The following TSHZ2 variants were observed in gnomAD, a reference collection of about 807,000 sequenced individuals.
TSHZ2 encodes the protein teashirt zinc finger homeobox 2.
Under a neutral mutation model 74.4 loss-of-function variants are expected in TSHZ2, and 21 were observed. The observed-to-expected ratio is 0.28, with a 90% CI of 0.20 to 0.41. TSHZ2 has a LOEUF of 0.41. Among genes scored for constraint, TSHZ2 ranks in the 10% least tolerant of loss-of-function variants. The pLI is 1.00. For synonymous variants in TSHZ2, 540 were observed against 515.3 expected (o/e 1.05, Z -0.65); for missense variants, 1,244 against 1,293.5 (o/e 0.96, Z 0.59).
intron 2 of TSHZ2, among the ~76,000 whole-genome samples, chr20:53,342,695 G>A (rs1980256674): frequency 6.6e-6 from 1 of 152,134 alleles, no homozygotes; most frequent in South Asian, 2.1e-4. Context: ...CTCAAGTCAT[G>A]AAACTGATGG....
chr20:53,306,175 G>A lies in TSHZ2; in HGVS notation c.*8+49604G>A, dbSNP rs530860193. On this transcript the variant is annotated intron_variant, in intron 2 of 2. Coordinates refer to ENST00000371497, the MANE Select transcript of TSHZ2 (RefSeq NM_173485.6). ...ACGGTCATACCATCATCCTTTCTCCGTGAGCGTGGCAACCGTGTGCAAGAC... is the reference window on the plus strand; with the variant it reads ...ACGGTCATACCATCATCCTTTCTCCATGAGCGTGGCAACCGTGTGCAAGAC... 4.6e-5 allele frequency among the ~76,000 whole-genome samples: 7 copies of A among 152,122 alleles called. No individual in the cohort carries two copies. In the South Asian group the frequency reaches 6.2e-4, roughly 14 times the overall value.
rs78882021 is a variant in TSHZ2, at chr20:53,154,659, A to G, written c.41-98840A>G. On this transcript the variant is annotated intron_variant, in intron 1 of 2. Coordinates refer to ENST00000371497, the MANE Select transcript of TSHZ2 (RefSeq NM_173485.6). ...TTGAAATCTGAATGCACTGAAATCT[A>G]GAGGTAACTATGAGAGCTGGGCTTG... Among the ~76,000 whole-genome samples, 172 of 152,310 alleles carry G rather than the reference A, an allele frequency of 1.1e-3. 2 individuals carry two copies. The highest frequency in any genetic ancestry group is 4.1e-3 in the African/African-American group (171 of 41,566).
At chr20:53,278,235 T>G (rs1197865522) in intron 2 of TSHZ2, among the ~76,000 whole-genome samples, 1 of 152,258 alleles carries the variant, frequency 6.6e-6, no homozygotes, top group East Asian at 1.9e-4. Context: ...CCCAGATAGA[T>G]AGCTGGAGCT....
At chr20:53,010,560 C>T (rs2122996859) in intron 1 of TSHZ2, among the ~76,000 whole-genome samples, 1 of 152,144 alleles carries the variant, frequency 6.6e-6, no homozygotes, top group South Asian at 2.1e-4. Flanking sequence ...GTTTCTTTTT[C>T]TTGGCCAACT....
intron 1 of TSHZ2, among the ~76,000 whole-genome samples, chr20:53,229,985 A>C: frequency 6.8e-6 from 1 of 147,132 alleles, no homozygotes; most frequent in Non-Finnish European, 1.5e-5. Context: ...AAAGAAAAGA[A>C]AGAGGAAGGA....
chr20:53,463,309 C>T (rs920107818), intron 2 of TSHZ2, among the ~76,000 whole-genome samples: 1 of 151,230 alleles, frequency 6.6e-6, no homozygotes, highest in Admixed American at 6.6e-5. Context: ...ATCACATGAG[C>T]CCATGAGCCT....
At chr20:53,418,905 A>G (rs1348729593) in intron 2 of TSHZ2, among the ~76,000 whole-genome samples, 1 of 151,984 alleles carries the variant, frequency 6.6e-6, no homozygotes, top group East Asian at 1.9e-4. Flanking sequence ...TGGGTGGGGG[A>G]GACCCTCTGA....
chr20:53,372,613 A>T (rs542353232), intron 2 of TSHZ2, among the ~76,000 whole-genome samples: 16 of 152,050 alleles, frequency 1.1e-4, no homozygotes, highest in African/African-American at 3.9e-4. Context: ...TGTCTCTGTG[A>T]CTCTAACTTT....
chr20:53,112,938 C>T (rs1986574102), intron 1 of TSHZ2, among the ~76,000 whole-genome samples: 1 of 152,012 alleles, frequency 6.6e-6, no homozygotes, highest in South Asian at 2.1e-4. Flanking sequence ...TCTTTGTAAC[C>T]CTTGGTTTGG....
At chr20:53,017,275 A>G (rs1983072034) in intron 1 of TSHZ2, among the ~76,000 whole-genome samples, 1 of 152,182 alleles carries the variant, frequency 6.6e-6, no homozygotes, top group African/African-American at 2.4e-5. Context: ...AGTAACTTAC[A>G]GAGCTGTTTT....
At chr20:53,447,182 A>G (rs576107023) in intron 2 of TSHZ2, among the ~76,000 whole-genome samples, 237 of 152,252 alleles carry the variant, frequency 1.6e-3, no homozygotes, top group South Asian at 5.8e-3. Context: ...CTGGAACTCA[A>G]TCCCTTCAAG....
intron 1 of TSHZ2, among the ~76,000 whole-genome samples, chr20:53,186,964 A>G (rs535203874): frequency 4.6e-5 from 7 of 151,922 alleles, no homozygotes; most frequent in African/African-American, 1.7e-4. Flanking sequence ...AATCTCCTTA[A>G]TTACACTTCT....
chr20:53,034,003 A>G (rs1428217546), intron 1 of TSHZ2, among the ~76,000 whole-genome samples: 2 of 152,144 alleles, frequency 1.3e-5, no homozygotes, highest in Non-Finnish European at 2.9e-5. Flanking sequence ...GCAGCCTTAT[A>G]GACTCAGATA....
chr20:53,053,440 GA>G (rs1984541483), intron 1 of TSHZ2, among the ~76,000 whole-genome samples: 1 of 152,128 alleles, frequency 6.6e-6, no homozygotes, highest in African/African-American at 2.4e-5. Context: ...GGTCCTCTGT[GA>G]AAAGGTAGCC....
intron 1 of TSHZ2, among the ~76,000 whole-genome samples, chr20:53,252,932 T>C (rs564122788): frequency 1.3e-5 from 2 of 152,314 alleles, no homozygotes; most frequent in African/African-American, 4.8e-5. Flanking sequence ...TGTGATTCCC[T>C]ACAAATAAAA....
At chr20:53,385,081 A>G (rs1020255238) in intron 2 of TSHZ2, among the ~76,000 whole-genome samples, 2 of 152,166 alleles carry the variant, frequency 1.3e-5, no homozygotes, top group African/African-American at 4.8e-5. Flanking sequence ...AGACCACAAC[A>G]CTGCATTCCA....
intron 2 of TSHZ2, among the ~76,000 whole-genome samples, chr20:53,257,617 T>C (rs1990510678): frequency 6.6e-6 from 1 of 152,192 alleles, no homozygotes; most frequent in Admixed American, 6.5e-5. Context: ...CATTTGTGTT[T>C]TCTCTACTTC....
At chr20:53,014,274 A>G (rs1243449831) in intron 1 of TSHZ2, among the ~76,000 whole-genome samples, 2 of 152,016 alleles carry the variant, frequency 1.3e-5, no homozygotes, top group African/African-American at 4.8e-5. Flanking sequence ...ACTAATACCA[A>G]CCTGAGGATT....
chr20:53,473,197 G>C (rs1329331242), intron 2 of TSHZ2, among the ~76,000 whole-genome samples: 1 of 145,798 alleles, frequency 6.9e-6, no homozygotes, highest in Admixed American at 6.8e-5. Context: ...CTCCACCTCT[G>C]GGGGCAGGGC....
Sources: gnomAD v4.1 joint callset for allele counts (sites outside exome capture counted in the v4.1 genomes callset) on GRCh38, gnomAD v4.1.1 for gene constraint, MANE v1.5 for transcripts, NCBI Gene and HGNC (gene_info 2026-07-23, HGNC 2026-07-21) for gene names.